ULK2: variants seen among roughly 807,000 people sequenced by gnomAD.
ULK2 encodes unc-51 like autophagy activating kinase 2, also known as serine/threonine-protein kinase ULK2.
In ULK2, 76 loss-of-function variants were observed where a neutral mutation model predicts 127.5. The ratio of observed to expected loss-of-function variants is 0.60; its 90% confidence interval spans 0.50 to 0.72. The LOEUF (loss-of-function observed/expected upper bound fraction) is 0.72, where lower values mean the gene tolerates loss of function less well. Ranked by LOEUF, ULK2 falls within the 30% of genes least tolerant of loss-of-function variation. The pLI is 0.00. For missense variants in ULK2, 1,144 were observed against 1,295.9 expected (o/e 0.88, Z 1.80); for synonymous variants, 452 against 461.9 (o/e 0.98, Z 0.28).
Position 19,796,098 on chromosome 17 carries a change from C to T in ULK2, c.1994G>A (p.Gly665Asp), listed in dbSNP as rs1036886062. Residue 665 changes from glycine to aspartate, a missense_variant, in exon 19 of 27, where the codon GGC (glycine) becomes GAC (aspartate). Transcript: ENST00000395544. ...RAEQQSKAVF[G>D]RSVSTGKLSD... ...TAGAATGGAAACAGTCTTTTACCTG[C>T]CAAACACTGCCTTGCTCTGCTGCTC... 5.6e-6 allele frequency: 9 copies of T among 1,606,396 alleles called. No homozygotes were observed. Among genetic ancestry groups the T allele is most frequent in the East Asian group, 4.5e-5 (2 of 44,856 alleles).
intron 3 of ULK2, chr17:19,861,061 T>G (rs1225026967): frequency 1.4e-5 from 2 of 147,898 alleles, no homozygotes; most frequent in Non-Finnish European, 3.0e-5. Flanking sequence ...CAAGACTTCT[T>G]CTCAAAAAAA....
At chr17:19,819,294 G>A (rs775050411) in intron 12 of ULK2, among the ~76,000 whole-genome samples, 3 of 152,090 alleles carry the variant, frequency 2.0e-5, no homozygotes, top group Non-Finnish European at 4.4e-5. Flanking sequence ...CTGTACTGTG[G>A]ACCATTCTTC....
intron 15 of ULK2, among the ~76,000 whole-genome samples, chr17:19,803,826 A>T (rs1016972000): frequency 1.3e-5 from 2 of 152,220 alleles, no homozygotes; most frequent in African/African-American, 4.8e-5. Flanking sequence ...AGAGGCCTGT[A>T]TATGTAGACT....
chr17:19,838,275 T>C (rs1169411690), intron 10 of ULK2, among the ~76,000 whole-genome samples: 1 of 151,630 alleles, frequency 6.6e-6, no homozygotes, highest in Non-Finnish European at 1.5e-5. Context: ...TTATTGTCTC[T>C]ACCACTAGAA....
chr17:19,822,118 T>C (rs767750082), intron 12 of ULK2, among the ~76,000 whole-genome samples: 4 of 152,040 alleles, frequency 2.6e-5, no homozygotes, highest in Non-Finnish European at 4.4e-5. Context: ...CCCAAGTAGC[T>C]GGGATTACAG....
In ULK2 at chr17:19,781,873, A is replaced by G. The variant is rs1163490126; in HGVS notation, c.2639+16T>C. ...AGCATGAAAAGTCTGGAAATGAATG[A>G]CAAGGGGGCACCCACCCCCAGTCTT... On this transcript the variant is annotated intron_variant, in intron 23 of 26. Coordinates refer to ENST00000395544, the MANE Select transcript of ULK2 (RefSeq NM_014683.4). 1 of 1,609,142 alleles carries G rather than the reference A, an allele frequency of 6.2e-7. No individual in the cohort carries two copies. Among genetic ancestry groups the G allele is most frequent in the South Asian group, 1.1e-5 (1 of 90,346 alleles).
chr17:19,801,640 T>G, intron 16 of ULK2, 137 bp downstream of exon 16: 1 of 1,114,310 alleles, frequency 9.0e-7, no homozygotes, highest in Non-Finnish European at 1.3e-6. Flanking sequence ...GGGGTAAAGA[T>G]GGAGGGACGG....
intron 20 of ULK2, among the ~76,000 whole-genome samples, chr17:19,794,103 C>T (rs1318267525): frequency 3.9e-5 from 6 of 152,060 alleles, no homozygotes; most frequent in Non-Finnish European, 5.9e-5. Flanking sequence ...GTAGACTGGA[C>T]TTTGCCAAGG....
At chr17:19,819,250 G>A (rs188173687) in intron 12 of ULK2, among the ~76,000 whole-genome samples, 64 of 152,148 alleles carry the variant, frequency 4.2e-4, no homozygotes, top group African/African-American at 1.4e-3. Flanking sequence ...AGTATTTCCC[G>A]TACTCCTTAA....
At chr17:19,780,109 G>A (rs1302239536) in intron 25 of ULK2, among the ~76,000 whole-genome samples, 11 of 151,888 alleles carry the variant, frequency 7.2e-5, no homozygotes, top group Admixed American at 7.2e-4. Context: ...GGGAAGCAGA[G>A]GTTGCAGTGA....
intron 11 of ULK2, among the ~76,000 whole-genome samples, 145 bp downstream of exon 11, chr17:19,825,986 CAAAAAAAA>C (rs200351375): frequency 4.3e-5 from 6 of 140,648 alleles, no homozygotes; most frequent in South Asian, 2.2e-4. Flanking sequence ...AACTCCATCT[CAAAAAAAA>C]AAAAAAAAAA....
At chr17:19,847,002 C>T (rs2041900146) in intron 5 of ULK2, 92 bp from the exon 6 acceptor site, 1 of 1,222,440 alleles carries the variant, frequency 8.2e-7, no homozygotes, top group Non-Finnish European at 1.1e-6. Context: ...TGAAGGAGAG[C>T]ATGAAGGGAA....
chr17:19,810,706 T>A (rs1189840040), intron 13 of ULK2, among the ~76,000 whole-genome samples: 1 of 152,230 alleles, frequency 6.6e-6, no homozygotes, highest in African/African-American at 2.4e-5. Context: ...AGTGTTTACA[T>A]ATTTCTTCCC....
At position 19,867,499 on chromosome 17, in the gene ULK2, G is replaced by T. The variant is rs995365838; in HGVS notation, c.-82C>A. Reference sequence around the variant, plus strand: ...TCAGCACCGCGGCTCCGCGGGCCCGGAGCGCGCCAGCGTGCGGCGGGTCTG... The same window carrying T: ...TCAGCACCGCGGCTCCGCGGGCCCGTAGCGCGCCAGCGTGCGGCGGGTCTG... On this transcript the variant is annotated 5_prime_UTR_variant, in exon 1 of 27. Coordinates refer to ENST00000395544, the MANE Select transcript of ULK2 (RefSeq NM_014683.4). 2 of 1,104,356 alleles carry T rather than the reference G, an allele frequency of 1.8e-6. No homozygotes were observed. Among genetic ancestry groups the T allele is most frequent in the East Asian group, 3.5e-5 (1 of 28,526 alleles). 68.4% of individuals were successfully genotyped at this position (1,104,356 alleles called of 1,614,324 possible).
intron 3 of ULK2, among the ~76,000 whole-genome samples, chr17:19,860,546 C>T (rs1349438701): frequency 2.2e-5 from 3 of 137,386 alleles, no homozygotes; most frequent in Non-Finnish European, 4.6e-5. Flanking sequence ...TTTTTTGAGA[C>T]GGAGTTTCCC....
chr17:19,797,982 T>A (rs1425071277), intron 17 of ULK2, among the ~76,000 whole-genome samples: 3 of 152,094 alleles, frequency 2.0e-5, no homozygotes, highest in African/African-American at 7.2e-5. Context: ...AAGAGAACAA[T>A]ATCGTTAATG....
intron 14 of ULK2, among the ~76,000 whole-genome samples, chr17:19,806,020 T>C (rs2087508465): frequency 6.6e-6 from 1 of 152,042 alleles, no homozygotes; most frequent in African/African-American, 2.4e-5. Flanking sequence ...ATAATGTTTT[T>C]AATATCTACA....
chr17:19,781,298 G>A (rs2086915915), intron 23 of ULK2, among the ~76,000 whole-genome samples, 194 bp from the exon 24 acceptor site: 1 of 138,404 alleles, frequency 7.2e-6, no homozygotes, highest in Admixed American at 7.8e-5. Context: ...CCGAAGTATA[G>A]TGGCTTGATC....
In ULK2 at chr17:19,796,177, G is replaced by A. The variant is rs760552512; in HGVS notation, c.1915C>T (p.Pro639Ser). ...AEEQSKDGNE[P>S]RECAHCLLVQ... is the part of the protein sequence containing the mutation. ...AAGAGGCAATGGGCACATTCCCGTG[G>A]CTCATTCCCATCTTTCGACTGTTCT... The change falls in exon 19 of 27, where the codon CCA (proline) becomes TCA (serine). Residue 639 changes from proline (P) to serine (S), a missense_variant. Pro to Ser is a moderately conservative substitution (Grantham distance 74). This residue lies in a region of ULK2 where 913 missense variants were observed against 970.5 expected (regional missense o/e 0.94). Coordinates refer to ENST00000395544, the MANE Select transcript of ULK2 (RefSeq NM_014683.4). The A allele has an allele frequency of 1.1e-5, 17 of 1,614,054 alleles. No homozygotes were observed. The South Asian group carries it at 1.9e-4, about 18-fold the overall frequency.
Sources: gnomAD v4.1 joint callset for allele counts (sites outside exome capture counted in the v4.1 genomes callset) on GRCh38, gnomAD v4.1.1 for gene constraint, gnomAD v4.1.1 regional missense constraint, MANE v1.5 for transcripts, NCBI Gene and HGNC (gene_info 2026-07-23, HGNC 2026-07-21) for gene names.